Variants in ZNF483 observed in about 807,000 individuals in gnomAD.
ZNF483 encodes the protein zinc finger protein 483.
ZNF483 carries 9 observed loss-of-function variants against 28.6 expected under a neutral mutation model. That is an observed-to-expected ratio of 0.32 (90% CI 0.19 to 0.55). The LOEUF (loss-of-function observed/expected upper bound fraction) is 0.55. Ranked by LOEUF, ZNF483 falls within the 20% of genes least tolerant of loss-of-function variation. ZNF483 has a pLI of 0.93. For missense variants in ZNF483, 675 were observed against 871.7 expected, an observed-to-expected ratio of 0.77 and a Z score of 2.84; for synonymous variants, 322 against 306.2, an observed-to-expected ratio of 1.05 and a Z score of -0.54.
intron 5 of ZNF483, chr9:111,570,056 G>A (rs1313789035): frequency 2.5e-6 from 4 of 1,613,004 alleles, no homozygotes; most frequent in Non-Finnish European, 3.4e-6. Context: ...GTGACCTAGT[G>A]TACAATTGGA....
intron 5 of ZNF483, among the ~76,000 whole-genome samples, chr9:111,568,247 TTAATAATTAATA>T (rs2132338575): frequency 6.6e-6 from 1 of 152,252 alleles, no homozygotes; most frequent in African/African-American, 2.4e-5. Context: ...GCAAGGAATA[TTAATAATTAATA>T]TCCTGGGGAA....
rs369043700 is a variant in ZNF483, at chr9:111,545,577, G to T, written c.*2407G>T. On this transcript the variant is annotated 3_prime_UTR_variant, in exon 6 of 6. Transcript: ENST00000309235. ...TATTCCAGTTTACAGTTAATCTCCC[G>T]TCCAACCTCTAATCCCAGGCACCCA... Among the ~76,000 whole-genome samples the T allele has an allele frequency of 6.6e-6, 1 of 151,976 alleles. No homozygotes were observed. Among genetic ancestry groups the T allele is most frequent in the African/African-American group, 2.4e-5 (1 of 41,374 alleles).
intron 5 of ZNF483, chr9:111,562,576 CTTT>C (rs1378011625): frequency 6.7e-6 from 1 of 150,122 alleles, no homozygotes; most frequent in South Asian, 2.1e-4. Context: ...GCCCGGCTAA[CTTT>C]TTTTTTTAAT....
intron 2 of ZNF483, among the ~76,000 whole-genome samples, chr9:111,529,133 G>A (rs1271019648): frequency 6.3e-5 from 7 of 110,532 alleles, no homozygotes; most frequent in South Asian, 2.9e-4. Flanking sequence ...GCGAAACTCC[G>A]TCTCAAAAAA....
chr9:111,532,768 G>T (rs1827381153), intron 3 of ZNF483, among the ~76,000 whole-genome samples: 1 of 152,116 alleles, frequency 6.6e-6, no homozygotes, highest in Non-Finnish European at 1.5e-5. Context: ...AATTAGCTGG[G>T]TGCGTTGGTG....
intron 2 of ZNF483, among the ~76,000 whole-genome samples, chr9:111,530,100 G>T (rs1020287996): frequency 1.3e-5 from 2 of 152,172 alleles, no homozygotes; most frequent in Admixed American, 6.5e-5. Flanking sequence ...GTTGCTTAGA[G>T]GGTTGGAACT....
rs772030994 is a variant in ZNF483 at position 111,527,817 on chromosome 9, A to G, written c.412+10A>G. 1.2e-6 allele frequency: 2 copies of G among 1,614,156 alleles called. No individual in the cohort carries two copies. The highest frequency in any genetic ancestry group is 1.7e-6 in the Non-Finnish European group (2 of 1,180,042). ...ATGCTTGAAGAAAAAGGTGAGATTT[A>G]TAGATGGAGGGAGGAAGCGGGAGAC... On this transcript the variant is annotated intron_variant, in intron 2 of 5. Transcript: ENST00000309235.
At chr9:111,537,225 G>A (rs1013326262) in intron 5 of ZNF483, among the ~76,000 whole-genome samples, 3 of 150,594 alleles carry the variant, frequency 2.0e-5, no homozygotes, top group African/African-American at 7.3e-5. Flanking sequence ...GCATTACGTG[G>A]CTTTTTTTTT....
rs1223871646 is a variant in ZNF483 at position 111,551,503 on chromosome 9, G to T, written c.*8333G>T. On this transcript the variant is annotated 3_prime_UTR_variant, in exon 6 of 6. Coordinates refer to ENST00000309235, the MANE Select transcript of ZNF483 (RefSeq NM_133464.5). ...GTCCACTGCAACCTCCGCCTCCTGG[G>T]TTCCAGCAATTCTCCTGCTTCAGCC... 2.1e-5 allele frequency among the ~76,000 whole-genome samples: 3 copies of T among 141,014 alleles called. No individual in the cohort carries two copies. The highest frequency in any genetic ancestry group is 4.5e-5 in the Non-Finnish European group (3 of 66,560). 92.5% of individuals were successfully genotyped at this position (141,014 alleles called of 152,430 possible). A position where few individuals can be genotyped will look rare whatever the true frequency, so the allele number is the denominator to read the frequency against.
intron 5 of ZNF483, among the ~76,000 whole-genome samples, chr9:111,565,601 C>T (rs1030318536): frequency 2.6e-5 from 4 of 152,092 alleles, no homozygotes; most frequent in Non-Finnish European, 5.9e-5. Flanking sequence ...GAGTTCACTG[C>T]AGCCCTTGAA....
At chr9:111,556,341 A>G (rs1828120721), downstream of ZNF483, among the ~76,000 whole-genome samples, 1 of 152,260 alleles carries the variant, frequency 6.6e-6, no homozygotes. Flanking sequence ...TTCCAGGTGC[A>G]TGGCACAAGC....
At position 111,545,037 on chromosome 9, in the gene ZNF483, T is replaced by C. The variant is rs1474955409; in HGVS notation, c.*1867T>C. Among the ~76,000 whole-genome samples, 1 of 152,220 alleles carries C rather than the reference T, an allele frequency of 6.6e-6. No homozygotes were observed. Among genetic ancestry groups the C allele is most frequent in the African/African-American group, 2.4e-5 (1 of 41,450 alleles). ...AGGAACATTTACTGTGACTAATGTA[T>C]GTAGGTGTGAAATGCTACCTCTGGG... is the stretch of plus-strand genomic sequence containing the variant. On this transcript the variant is annotated 3_prime_UTR_variant, in exon 6 of 6. Transcript: ENST00000309235.
chr9:111,527,699 A>G lies in ZNF483; in HGVS notation c.304A>G (p.Thr102Ala). 2 of 1,614,126 alleles carry G rather than the reference A, an allele frequency of 1.2e-6. No homozygotes were observed. Among genetic ancestry groups the G allele is most frequent in the Non-Finnish European group, 1.7e-6 (2 of 1,180,030 alleles). The change falls in exon 2 of 6, where the codon ACC (threonine) becomes GCC (alanine). Residue 102 changes from threonine to alanine, a missense_variant. Physicochemically the swap from Thr to Ala is moderately conservative, Grantham distance 58. This residue lies in a region of ZNF483 where 525 missense variants were observed against 581.8 expected (regional missense o/e 0.90). Transcript: ENST00000309235. The stretch of plus-strand genomic sequence containing the variant: ...GCTTCTGGTGTTTGAGCAGTTCCTG[A>G]CCATTTTGCCTGGGGAGATCAGGAT... ...LELLVFEQFLTILPGEIRIWV... is the reference protein window; with the variant it reads ...LELLVFEQFLAILPGEIRIWV...
chr9:111,535,825 A>G (rs1359050225), intron 5 of ZNF483, among the ~76,000 whole-genome samples: 1 of 151,982 alleles, frequency 6.6e-6, no homozygotes, highest in South Asian at 2.1e-4. Flanking sequence ...GATGACAGGC[A>G]TGAGCCACCG....
intron 3 of ZNF483, among the ~76,000 whole-genome samples, chr9:111,532,130 G>A (rs1309336786): frequency 3.3e-5 from 5 of 152,096 alleles, no homozygotes; most frequent in Admixed American, 2.0e-4. Flanking sequence ...GCAACATAGC[G>A]AGACCCTCGT....
intron 5 of ZNF483, among the ~76,000 whole-genome samples, chr9:111,565,078 C>T (rs12002452): frequency 0.016 from 2,444 of 152,008 alleles, 54 homozygotes; most frequent in African/African-American, 0.053. Flanking sequence ...GAACGGAGAT[C>T]GCACCATTGC....
rs573682505 is a variant in ZNF483, at chr9:111,549,463, C to T, written c.*6293C>T. Among the ~76,000 whole-genome samples, 1 of 152,302 alleles carries T rather than the reference C, an allele frequency of 6.6e-6. No individual in the cohort carries two copies. Among genetic ancestry groups the T allele is most frequent in the Admixed American group, 6.5e-5 (1 of 15,296 alleles). On this transcript the variant is annotated 3_prime_UTR_variant, in exon 6 of 6. Transcript: ENST00000309235. ...TGTGATTTCCAAGCAAAGTGTTTTT[C>T]ACCCTGAGAAATTGGTGAGGTATCT...
rs1459476097 is a variant in ZNF483, at chr9:111,542,682, G to C, written c.1747G>C (p.Glu583Gln). The C allele has an allele frequency of 6.2e-7, 1 of 1,613,500 alleles. No homozygotes were observed. The highest frequency in any genetic ancestry group is 2.2e-5 in the East Asian group (1 of 44,788). Residue 583 changes from glutamate to glutamine, a missense_variant, in exon 6 of 6, where the codon GAA (glutamate) becomes CAA (glutamine). Transcript: ENST00000309235. This position sits in a 1 kb window ranked among gnomAD's most constrained non-coding sequence, Gnocchi z 6.2. ...HTGEKPYKCG[E>Q]CGKAFRQNSC... The stretch of plus-strand genomic sequence containing the variant: ...TGGAGAGAAACCCTATAAATGTGGC[G>C]AATGTGGAAAAGCCTTTAGGCAGAA...
At position 111,542,802 on chromosome 9, in the gene ZNF483, A is replaced by G; in HGVS notation, c.1867A>G (p.Ile623Val). The part of the protein sequence containing the change: ...GMTFSHFTSV[I>V]YHQRLHSGEK... Reference sequence around the variant, plus strand: ...GACTTTTAGCCATTTTACGTCTGTGATTTATCATCAAAGACTTCATTCAGG... The same window carrying G: ...GACTTTTAGCCATTTTACGTCTGTGGTTTATCATCAAAGACTTCATTCAGG... Residue 623 changes from isoleucine (I) to valine (V), a missense_variant, in exon 6 of 6, where the codon ATT (isoleucine) becomes GTT (valine). Ile to Val is a conservative substitution (Grantham distance 29, BLOSUM62 3). Coordinates refer to ENST00000309235, the MANE Select transcript of ZNF483 (RefSeq NM_133464.5). This position sits in a 1 kb window ranked among gnomAD's most constrained non-coding sequence, Gnocchi z 6.2. The G allele has an allele frequency of 6.2e-7, 1 of 1,614,108 alleles. No individual in the cohort carries two copies. The highest frequency in any genetic ancestry group is 8.5e-7 in the Non-Finnish European group (1 of 1,179,984).
Sources: gnomAD v4.1 joint callset for allele counts (sites outside exome capture counted in the v4.1 genomes callset) on GRCh38, gnomAD v4.1.1 for gene constraint, gnomAD v4.1.1 regional missense constraint, Gnocchi (gnomAD v3.1) non-coding constraint, MANE v1.5 for transcripts, NCBI Gene and HGNC (gene_info 2026-07-23, HGNC 2026-07-21) for gene names.